Variants in PHLPP1 observed in about 807,000 individuals in gnomAD.
The protein encoded by PHLPP1 is PH domain and leucine rich repeat protein phosphatase 1.
A neutral mutation model predicts 117.2 loss-of-function variants in PHLPP1; 42 were observed. The ratio of observed to expected loss-of-function variants is 0.36; its 90% CI spans 0.28 to 0.46. The LOEUF (loss-of-function observed/expected upper bound fraction) is 0.46, where lower values mean the gene tolerates loss of function less well. Among genes scored for constraint, PHLPP1 ranks in the 20% least tolerant of loss-of-function variants. The probability of loss-of-function intolerance (pLI) is 1.00; values close to 1 mark genes in which losing one functional copy is unlikely to be tolerated. For missense variants in PHLPP1, 2,084 were observed against 2,241.9 expected, an observed-to-expected ratio of 0.93 and a Z score of 1.42; for synonymous variants, 1,042 against 970.7, an observed-to-expected ratio of 1.07 and a Z score of -1.37.
chr18:62,725,061 T>C (rs73465046), intron 1 of PHLPP1, among the ~76,000 whole-genome samples: 2,644 of 152,246 alleles, frequency 0.017, 78 homozygotes, highest in African/African-American at 0.06. Flanking sequence ...AATTTCCCTT[T>C]AAATATGTGT....
At chr18:62,758,112 A>G (rs1912088198) in intron 1 of PHLPP1, among the ~76,000 whole-genome samples, 2 of 152,184 alleles carry the variant, frequency 1.3e-5, no homozygotes, top group African/African-American at 4.8e-5. Context: ...TCTAAAAAAT[A>G]TACATTTAAA....
chr18:62,967,127 A>C (rs544893559), intron 14 of PHLPP1, among the ~76,000 whole-genome samples: 55 of 152,194 alleles, frequency 3.6e-4, no homozygotes, highest in South Asian at 2.1e-3. Context: ...TTTTTGTTTT[A>C]CCCGTTCACC....
At chr18:62,743,802 A>C (rs927093836) in intron 1 of PHLPP1, among the ~76,000 whole-genome samples, 1 of 150,200 alleles carries the variant, frequency 6.7e-6, no homozygotes, top group African/African-American at 2.5e-5. Flanking sequence ...TTTCCTTGCA[A>C]TTTACTTGTT....
intron 1 of PHLPP1, among the ~76,000 whole-genome samples, chr18:62,806,349 A>G (rs1913951476): frequency 6.6e-6 from 1 of 152,210 alleles, no homozygotes; most frequent in African/African-American, 2.4e-5. Flanking sequence ...TTGGAAGGAA[A>G]GGAAACATTC....
intron 1 of PHLPP1, among the ~76,000 whole-genome samples, chr18:62,810,129 T>A (rs945003008): frequency 4.6e-5 from 7 of 152,222 alleles, no homozygotes; most frequent in Non-Finnish European, 8.8e-5. Flanking sequence ...CATACACTGA[T>A]GATTGGACCT....
intron 1 of PHLPP1, among the ~76,000 whole-genome samples, chr18:62,802,837 G>A (rs973477548): frequency 6.6e-6 from 1 of 152,252 alleles, no homozygotes; most frequent in Non-Finnish European, 1.5e-5. Context: ...TATGCCTTTT[G>A]TAGGGGAGAA....
At chr18:62,966,309 T>C (rs1910903107) in intron 14 of PHLPP1, among the ~76,000 whole-genome samples, 1 of 152,046 alleles carries the variant, frequency 6.6e-6, no homozygotes, top group Admixed American at 6.6e-5. Flanking sequence ...CTGAGCTCCT[T>C]AAAGGGAGGG....
chr18:62,922,292 A>G (rs1242829736), intron 10 of PHLPP1, among the ~76,000 whole-genome samples: 1 of 152,082 alleles, frequency 6.6e-6, no homozygotes, highest in Admixed American at 6.5e-5. Flanking sequence ...GCATGCCACC[A>G]CTTCCAGCTA....
chr18:62,966,281 T>C (rs1238802539), intron 14 of PHLPP1, among the ~76,000 whole-genome samples: 1 of 152,144 alleles, frequency 6.6e-6, no homozygotes, highest in Non-Finnish European at 1.5e-5. Context: ...TAATGGTCAT[T>C]ACTATTATTA....
intron 1 of PHLPP1, among the ~76,000 whole-genome samples, chr18:62,811,731 A>G (rs1488739510): frequency 6.6e-6 from 1 of 152,140 alleles, no homozygotes; most frequent in Non-Finnish European, 1.5e-5. Flanking sequence ...GAGGTTTTAT[A>G]ATTTTTTAAA....
At chr18:62,745,709 C>T (rs1233600938) in intron 1 of PHLPP1, among the ~76,000 whole-genome samples, 1 of 152,164 alleles carries the variant, frequency 6.6e-6, no homozygotes, top group Non-Finnish European at 1.5e-5. Flanking sequence ...ATTATAATCA[C>T]TAAACCAAAT....
At chr18:62,853,168 G>T (rs756346235) in intron 3 of PHLPP1, among the ~76,000 whole-genome samples, 1 of 151,996 alleles carries the variant, frequency 6.6e-6, no homozygotes, top group Admixed American at 6.6e-5. Context: ...GAAATATTTT[G>T]AGGACCAAAT....
At chr18:62,736,924 T>C (rs1157421308) in intron 1 of PHLPP1, among the ~76,000 whole-genome samples, 1 of 152,230 alleles carries the variant, frequency 6.6e-6, no homozygotes, top group Non-Finnish European at 1.5e-5. Context: ...TAGCACTAGC[T>C]ATGGCTATCA....
intron 4 of PHLPP1, among the ~76,000 whole-genome samples, chr18:62,891,904 A>G (rs1197340692): frequency 2.0e-5 from 3 of 150,366 alleles, no homozygotes; most frequent in South Asian, 2.1e-4. Context: ...AAAAAAAAAA[A>G]AAAAAAAAAG....
At chr18:62,766,076 A>AAAAAAAAAAAAAAAATATAT in intron 1 of PHLPP1, among the ~76,000 whole-genome samples, 3 of 21,662 alleles carry the variant, frequency 1.4e-4, no homozygotes, top group African/African-American at 4.5e-4. Context: ...AAAAAAAAAA[A>AAAAAAAAAAAAAAAATATAT]ATATATATAT....
intron 4 of PHLPP1, among the ~76,000 whole-genome samples, chr18:62,881,150 G>A (rs185760190): frequency 4.3e-4 from 66 of 152,248 alleles, no homozygotes; most frequent in Admixed American, 1.2e-3. Context: ...ACACTGATGC[G>A]TGGGAATTGC....
In PHLPP1 at chr18:62,735,052, TTC is replaced by T. The variant is rs1260145544; in HGVS notation, c.1576+17795_1576+17796del. Among the ~76,000 whole-genome samples, 1,042 of 151,664 alleles carry T rather than the reference TTC, an allele frequency of 6.9e-3. 7 individuals are homozygous for T. Among genetic ancestry groups the T allele is most frequent in the African/African-American group, 0.024 (996 of 41,136 alleles). ...AGAGGATGTCATTCTTTTTTTTTTT[TTC>T]TTTTTTTTGAGGCAGGATCTGGTAC... On this transcript the variant is annotated intron_variant, in intron 1 of 16. Coordinates refer to ENST00000262719, the MANE Select transcript of PHLPP1 (RefSeq NM_194449.4).
intron 1 of PHLPP1, among the ~76,000 whole-genome samples, chr18:62,735,508 G>A (rs540229367): frequency 5.9e-5 from 9 of 152,186 alleles, no homozygotes; most frequent in African/African-American, 2.2e-4. Context: ...ATTGGAAGGT[G>A]TCATTGCTTC....
chr18:62,814,084 AG>A (rs1914198626), intron 1 of PHLPP1, among the ~76,000 whole-genome samples: 1 of 152,180 alleles, frequency 6.6e-6, no homozygotes, highest in Non-Finnish European at 1.5e-5. Flanking sequence ...AGGCATATTC[AG>A]GAATTTAGAG....
Sources: allele counts gnomAD v4.1 joint callset (sites outside exome capture counted in the v4.1 genomes callset), GRCh38; gene constraint gnomAD v4.1.1; transcripts MANE v1.5; gene names NCBI Gene and HGNC (gene_info 2026-07-23, HGNC 2026-07-21).